The following PELI2 variants were observed in gnomAD, a reference collection of about 807,000 sequenced individuals.
PELI2 encodes E3 ubiquitin-protein ligase pellino homolog 2.
In PELI2, 23 loss-of-function variants were observed where a neutral mutation model predicts 42.3. The ratio of observed to expected loss-of-function variants is 0.54; its 90% CI spans 0.39 to 0.77. The LOEUF is 0.77. Ranked by LOEUF, PELI2 falls within the 30% of genes least tolerant of loss-of-function variation. PELI2 has a pLI of 0.00. For missense variants in PELI2, 463 were observed against 553.2 expected, an observed-to-expected ratio of 0.84 and a Z score of 1.64; for synonymous variants, 245 against 212.2, an observed-to-expected ratio of 1.15 and a Z score of -1.34.
At position 56,197,913 on chromosome 14, in the gene PELI2, GAAGACACAC is replaced by G. The variant is rs1171864308; in HGVS notation, c.207+19451_207+19459del. 1.2e-5 allele frequency among the ~76,000 whole-genome samples: 1 copy of G among 84,548 alleles called. No individual in the cohort carries two copies. The highest frequency in any genetic ancestry group is 2.3e-5 in the Non-Finnish European group (1 of 44,284). The allele number at this position is 84,548 out of a possible 152,430, so 55.5% of individuals were successfully genotyped here. A position where few individuals can be genotyped will look rare whatever the true frequency, so the allele number is the denominator to read the frequency against. On this transcript the variant is annotated intron_variant, in intron 2 of 5. Coordinates refer to ENST00000267460, the MANE Select transcript of PELI2 (RefSeq NM_021255.3). This position sits in a 1 kb window ranked among gnomAD's most constrained non-coding sequence, Gnocchi z 4.9. ...ACACACACCAGGAATGGTGACTGGT[GAAGACACAC>G]ACACACACACACACACACACACACA... is the stretch of plus-strand genomic sequence containing the variant.
intron 2 of PELI2, among the ~76,000 whole-genome samples, chr14:56,221,614 G>A (rs1887136346): frequency 6.6e-6 from 1 of 152,210 alleles, no homozygotes; most frequent in Admixed American, 6.5e-5. Context: ...CACACCCATA[G>A]GGGCCCAGCA....
chr14:56,225,318 A>G (rs1038630535), intron 2 of PELI2, among the ~76,000 whole-genome samples: 8 of 152,070 alleles, frequency 5.3e-5, no homozygotes, highest in African/African-American at 1.9e-4. Context: ...AAGATTCCTG[A>G]GGTATCAGGA....
intron 1 of PELI2, among the ~76,000 whole-genome samples, chr14:56,169,865 A>T (rs1227269454): frequency 6.6e-6 from 1 of 152,208 alleles, no homozygotes; most frequent in African/African-American, 2.4e-5. Flanking sequence ...GGGGAAGTCC[A>T]TGCATATATG....
intron 1 of PELI2, among the ~76,000 whole-genome samples, chr14:56,135,660 T>C (rs1241102575): frequency 6.6e-6 from 1 of 152,242 alleles, no homozygotes; most frequent in African/African-American, 2.4e-5. Context: ...TCTGATAGAC[T>C]ATTTTTCAAA....
intron 2 of PELI2, among the ~76,000 whole-genome samples, chr14:56,179,871 C>G (rs528794225): frequency 5.3e-5 from 8 of 152,138 alleles, no homozygotes; most frequent in African/African-American, 1.9e-4. Context: ...TGTTTCCTTC[C>G]TCTTTTTTAA....
chr14:56,155,538 TTCTTC>T (rs1431076782), intron 1 of PELI2, among the ~76,000 whole-genome samples: 1 of 152,070 alleles, frequency 6.6e-6, no homozygotes, highest in African/African-American at 2.4e-5. Context: ...TCTGAAGTGT[TTCTTC>T]TGTTCTACTG....
At chr14:56,145,383 T>A (rs941981022) in intron 1 of PELI2, among the ~76,000 whole-genome samples, 16 of 152,166 alleles carry the variant, frequency 1.1e-4, no homozygotes, top group Admixed American at 5.2e-4. Context: ...GAGATTTGGG[T>A]TGGGACACAG....
intron 1 of PELI2, among the ~76,000 whole-genome samples, chr14:56,150,086 C>G (rs981557174): frequency 2.0e-5 from 3 of 152,198 alleles, no homozygotes; most frequent in Non-Finnish European, 4.4e-5. Context: ...TACCTTCCCT[C>G]TCAGGCGCTT....
At chr14:56,136,841 C>G (rs1883703936) in intron 1 of PELI2, among the ~76,000 whole-genome samples, 1 of 152,138 alleles carries the variant, frequency 6.6e-6, no homozygotes, top group Non-Finnish European at 1.5e-5. Context: ...ACTCTGAGAT[C>G]ATTACTTTCC....
At chr14:56,236,557 T>A (rs1036303138) in intron 2 of PELI2, among the ~76,000 whole-genome samples, 2 of 152,186 alleles carry the variant, frequency 1.3e-5, no homozygotes, top group Middle Eastern at 3.2e-3. Flanking sequence ...CTCTCTCTTG[T>A]TTTTGCTGCC....
At chr14:56,189,889 A>C (rs1424876822) in intron 2 of PELI2, among the ~76,000 whole-genome samples, 1 of 152,236 alleles carries the variant, frequency 6.6e-6, no homozygotes, top group Non-Finnish European at 1.5e-5. Flanking sequence ...AATTAGTTGA[A>C]TATACTAACT....
chr14:56,130,515 A>G (rs774149040), intron 1 of PELI2, among the ~76,000 whole-genome samples: 2 of 151,978 alleles, frequency 1.3e-5, no homozygotes, highest in Non-Finnish European at 2.9e-5. Flanking sequence ...AACTTCACTC[A>G]TTCAAAGAAG....
At chr14:56,287,514 AT>A (rs1185163412) in intron 3 of PELI2, among the ~76,000 whole-genome samples, 2 of 152,180 alleles carry the variant, frequency 1.3e-5, no homozygotes, top group African/African-American at 2.4e-5. Context: ...TTTACATTGC[AT>A]TTTTTAACAA....
intron 1 of PELI2, among the ~76,000 whole-genome samples, chr14:56,176,844 A>C (rs1203187512): frequency 2.6e-5 from 4 of 152,188 alleles, no homozygotes; most frequent in Non-Finnish European, 5.9e-5. Flanking sequence ...ATGTTCCTCT[A>C]AGTTGTTTAC....
intron 1 of PELI2, among the ~76,000 whole-genome samples, chr14:56,173,276 A>C (rs964607663): frequency 6.6e-6 from 1 of 152,194 alleles, no homozygotes; most frequent in African/African-American, 2.4e-5. Context: ...CTTTAAAACC[A>C]GGGTTCTTAC....
intron 3 of PELI2, among the ~76,000 whole-genome samples, chr14:56,284,391 G>A (rs561444882): frequency 3.3e-5 from 5 of 152,162 alleles, no homozygotes; most frequent in African/African-American, 9.7e-5. Context: ...CTAGAGTAAC[G>A]TGTGGTGCCA....
intron 1 of PELI2, among the ~76,000 whole-genome samples, chr14:56,158,845 A>G (rs183782010): frequency 1.4e-4 from 21 of 152,340 alleles, no homozygotes; most frequent in Admixed American, 1.2e-3. Flanking sequence ...TTTAAAAGAC[A>G]TAGTGATTTA....
chr14:56,281,734 A>G (rs1201164392), intron 3 of PELI2, among the ~76,000 whole-genome samples: 1 of 152,134 alleles, frequency 6.6e-6, no homozygotes, highest in Non-Finnish European at 1.5e-5. Flanking sequence ...CTACAATCAG[A>G]TAGACAAATG....
At chr14:56,155,827 C>A (rs984949701) in intron 1 of PELI2, among the ~76,000 whole-genome samples, 5 of 151,844 alleles carry the variant, frequency 3.3e-5, no homozygotes, top group Admixed American at 6.6e-5. Flanking sequence ...TCGTGATCCG[C>A]CCCCCCTCAG....
Sources: gnomAD v4.1 joint callset for allele counts (sites outside exome capture counted in the v4.1 genomes callset) on GRCh38, gnomAD v4.1.1 for gene constraint, Gnocchi (gnomAD v3.1) non-coding constraint, MANE v1.5 for transcripts, NCBI Gene and HGNC (gene_info 2026-07-23, HGNC 2026-07-21) for gene names.